Variants in GPC5 observed in about 807,000 individuals in gnomAD.
GPC5 encodes glypican-5.
Under a neutral mutation model 53.9 loss-of-function variants are expected in GPC5, and 47 were observed. The ratio of observed to expected loss-of-function variants is 0.87; its 90% CI spans 0.69 to 1.11. The LOEUF (loss-of-function observed/expected upper bound fraction) is 1.11. Ranked by LOEUF, GPC5 falls within the 50% of genes most tolerant of loss-of-function variation. The pLI is 0.00. For missense variants in GPC5, 748 were observed against 713.1 expected (o/e 1.05, Z -0.56); for synonymous variants, 286 against 263.3 (o/e 1.09, Z -0.84).
chr13:91,618,487 C>T (rs1272029841), intron 2 of GPC5, among the ~76,000 whole-genome samples: 1 of 151,994 alleles, frequency 6.6e-6, no homozygotes, highest in East Asian at 1.9e-4. Flanking sequence ...GGCATGATCA[C>T]TACTCTCTCT....
At chr13:91,714,686 C>G (rs117764523) in intron 3 of GPC5, among the ~76,000 whole-genome samples, 1 of 151,398 alleles carries the variant, frequency 6.6e-6, no homozygotes, top group Non-Finnish European at 1.5e-5. Context: ...AGCTGTGAGT[C>G]GAGATAATAG....
At chr13:91,416,738 G>C (rs9556085) in intron 1 of GPC5, among the ~76,000 whole-genome samples, 1 of 151,820 alleles carries the variant, frequency 6.6e-6, no homozygotes, top group African/African-American at 2.4e-5. Flanking sequence ...TGCTGAGAAC[G>C]ATGGTTTCCA....
chr13:91,904,408 G>A (rs1211749139), intron 5 of GPC5, among the ~76,000 whole-genome samples: 1 of 151,764 alleles, frequency 6.6e-6, no homozygotes, highest in Non-Finnish European at 1.5e-5. Flanking sequence ...CTTAGAAAAT[G>A]TAATTAGAGA....
chr13:92,433,039 A>G (rs1270790152), intron 7 of GPC5, among the ~76,000 whole-genome samples: 1 of 152,214 alleles, frequency 6.6e-6, no homozygotes, highest in Non-Finnish European at 1.5e-5. Flanking sequence ...AAAGAAATTA[A>G]GCAGTTGTTG....
intron 1 of GPC5, among the ~76,000 whole-genome samples, chr13:91,434,156 G>T (rs1879721055): frequency 6.6e-6 from 1 of 152,186 alleles, no homozygotes. Flanking sequence ...TAGGTTGCCT[G>T]TTCAGGCTGA....
At chr13:91,786,089 T>C (rs459137) in intron 5 of GPC5, among the ~76,000 whole-genome samples, 55,127 of 151,946 alleles carry the variant, frequency 0.36, 11,693 homozygotes, top group African/African-American at 0.59. Flanking sequence ...CTCTGCCTCC[T>C]AAGTTCAAGT....
At chr13:91,717,751 T>G (rs1295320145) in intron 3 of GPC5, among the ~76,000 whole-genome samples, 2 of 151,992 alleles carry the variant, frequency 1.3e-5, no homozygotes, top group Non-Finnish European at 2.9e-5. Flanking sequence ...GAGATGGGGT[T>G]TCACCATATT....
chr13:91,715,283 C>T (rs1476275542), intron 3 of GPC5, among the ~76,000 whole-genome samples: 1 of 152,168 alleles, frequency 6.6e-6, no homozygotes, highest in Non-Finnish European at 1.5e-5. Context: ...CCTCTTACTT[C>T]ACCAGGATGT....
At position 92,585,471 on chromosome 13, in the gene GPC5, G is replaced by A. The variant is rs1274626005; in HGVS notation, c.1562-280811G>A. Among the ~76,000 whole-genome samples the A allele has an allele frequency of 3.9e-5, 6 of 152,146 alleles. No homozygotes were observed. In the East Asian group the frequency reaches 5.8e-4, roughly 15 times the overall value. Reference sequence around the variant, plus strand: ...GTATTTATCCAGTGCTTGTACCCACGTTGTATCTAGAAGGTAGCTAACTTG... The same window carrying A: ...GTATTTATCCAGTGCTTGTACCCACATTGTATCTAGAAGGTAGCTAACTTG... On this transcript the variant is annotated intron_variant, in intron 7 of 7. Coordinates refer to ENST00000377067, the MANE Select transcript of GPC5 (RefSeq NM_004466.6).
At chr13:92,248,630 C>T (rs2042670025) in intron 7 of GPC5, among the ~76,000 whole-genome samples, 1 of 152,114 alleles carries the variant, frequency 6.6e-6, no homozygotes, top group African/African-American at 2.4e-5. Context: ...CTCCATTCTT[C>T]AAACAATTAT....
Position 92,822,080 on chromosome 13 carries a change from T to C in GPC5, c.1562-44202T>C, listed in dbSNP as rs189103277. Reference sequence around the variant, plus strand: ...AAGCACTGTATGAGTTTGGACATATTATTTAGCCTCTTGTTATTTTTTTCT... The same window carrying C: ...AAGCACTGTATGAGTTTGGACATATCATTTAGCCTCTTGTTATTTTTTTCT... On this transcript the variant is annotated intron_variant, in intron 7 of 7. Transcript: ENST00000377067. 1.1e-3 allele frequency among the ~76,000 whole-genome samples: 163 copies of C among 152,302 alleles called. 1 individual carries two copies. The highest frequency in any genetic ancestry group is 3.6e-3 in the African/African-American group (151 of 41,578).
intron 3 of GPC5, among the ~76,000 whole-genome samples, chr13:91,708,374 T>C (rs1326820694): frequency 6.6e-6 from 1 of 151,734 alleles, no homozygotes; most frequent in Non-Finnish European, 1.5e-5. Flanking sequence ...CTCAGTCTAA[T>C]GGCCTCCTAA....
At chr13:92,367,461 C>T (rs983663341) in intron 7 of GPC5, among the ~76,000 whole-genome samples, 10 of 152,186 alleles carry the variant, frequency 6.6e-5, no homozygotes, top group Non-Finnish European at 1.2e-4. Flanking sequence ...ACAACAAAAG[C>T]ATTTTGTTAT....
chr13:92,498,310 G>A lies in GPC5; in HGVS notation c.1561+353321G>A, dbSNP rs187270773. On this transcript the variant is annotated intron_variant, in intron 7 of 7. Coordinates refer to ENST00000377067, the MANE Select transcript of GPC5 (RefSeq NM_004466.6). Reference sequence around the variant, plus strand: ...TGCACAATGGGCTTTTAGCACTTAGGAGGGGCCACATGTGCCATATGTTTA... The same window carrying A: ...TGCACAATGGGCTTTTAGCACTTAGAAGGGGCCACATGTGCCATATGTTTA... Among the ~76,000 whole-genome samples, 41 of 152,200 alleles carry A rather than the reference G, an allele frequency of 2.7e-4. 1 individual carries two copies. In the East Asian group the frequency reaches 7.6e-3, roughly 28 times the overall value.
In GPC5 at chr13:91,685,946, A is replaced by G. The variant is rs145752735; in HGVS notation, c.326-7241A>G. ...TGAATTAACTAAAAAAAAAAAACAA[A>G]GAAAAAGAGGAAGGAGAACCACCAA... On this transcript the variant is annotated intron_variant, in intron 2 of 7. Transcript: ENST00000377067. Among the ~76,000 whole-genome samples, 944 of 151,696 alleles carry G rather than the reference A, an allele frequency of 6.2e-3. 8 individuals are homozygous for G. The highest frequency in any genetic ancestry group is 0.02 in the African/African-American group (828 of 41,462).
chr13:91,619,168 G>A (rs1219604463), intron 2 of GPC5, among the ~76,000 whole-genome samples: 2 of 151,972 alleles, frequency 1.3e-5, no homozygotes, highest in African/African-American at 2.4e-5. Context: ...AATCGAATAT[G>A]AGCTGTATCA....
chr13:92,084,251 C>A (rs958928432), intron 6 of GPC5, among the ~76,000 whole-genome samples: 1 of 152,182 alleles, frequency 6.6e-6, no homozygotes, highest in Non-Finnish European at 1.5e-5. Flanking sequence ...CAAACCTGCA[C>A]GTCCTGCACA....
Position 92,406,910 on chromosome 13 carries a change from C to T in GPC5, c.1561+261921C>T, listed in dbSNP as rs561847193. Among the ~76,000 whole-genome samples the T allele has an allele frequency of 3.3e-5, 5 of 152,206 alleles. No individual in the cohort carries two copies. The South Asian group carries it at 8.3e-4, about 25-fold the overall frequency. On this transcript the variant is annotated intron_variant, in intron 7 of 7. Coordinates refer to ENST00000377067, the MANE Select transcript of GPC5 (RefSeq NM_004466.6). ...CTTCTCAATTACTGGACACTGAAAACAATTTACTGGCCATTATTCATCTCT... is the reference window on the plus strand; with the variant it reads ...CTTCTCAATTACTGGACACTGAAAATAATTTACTGGCCATTATTCATCTCT...
At chr13:92,010,206 G>A (rs75245420) in intron 6 of GPC5, among the ~76,000 whole-genome samples, 4 of 151,830 alleles carry the variant, frequency 2.6e-5, no homozygotes, top group Admixed American at 1.3e-4. Context: ...GCTTCAATAC[G>A]TTTATCAGCA....
Sources: gnomAD v4.1 joint callset for allele counts (sites outside exome capture counted in the v4.1 genomes callset) on GRCh38, gnomAD v4.1.1 for gene constraint, MANE v1.5 for transcripts, NCBI Gene and HGNC (gene_info 2026-07-23, HGNC 2026-07-21) for gene names.